The following KCNH8 variants were observed in gnomAD, a reference collection of about 807,000 sequenced individuals.
KCNH8 encodes the protein voltage-gated delayed rectifier potassium channel KCNH8.
In KCNH8, 70 loss-of-function variants were observed where a neutral mutation model predicts 103.6. The observed-to-expected ratio is 0.68, with a 90% confidence interval of 0.56 to 0.82. KCNH8 has a LOEUF of 0.82. Ranked by LOEUF, KCNH8 falls within the 40% of genes least tolerant of loss-of-function variation. The pLI is 0.00. For synonymous variants in KCNH8, 498 were observed against 489.4 expected (o/e 1.02, Z -0.23); for missense variants, 1,217 against 1,329.9 (o/e 0.92, Z 1.32).
intron 8 of KCNH8, among the ~76,000 whole-genome samples, chr3:19,439,130 G>T (rs1240903969): frequency 6.6e-6 from 1 of 151,974 alleles, no homozygotes; most frequent in East Asian, 1.9e-4. Context: ...CCCCACTCCT[G>T]GAATGAAAGC....
At chr3:19,408,698 CACTT>C (rs1275797341) in intron 7 of KCNH8, among the ~76,000 whole-genome samples, 1 of 152,060 alleles carries the variant, frequency 6.6e-6, no homozygotes, top group Non-Finnish European at 1.5e-5. Flanking sequence ...TTGAAAAACT[CACTT>C]AAGGAACCTC....
At chr3:19,193,070 G>A (rs1221738624) in intron 1 of KCNH8, among the ~76,000 whole-genome samples, 2 of 151,600 alleles carry the variant, frequency 1.3e-5, no homozygotes, top group African/African-American at 2.4e-5. Context: ...CATTAGTAAT[G>A]AGAGAGTTTA....
chr3:19,449,067 C>T lies in KCNH8; in HGVS notation c.1376-1039C>T, dbSNP rs890356470. The T allele has an allele frequency of 3.9e-6, 3 of 759,626 alleles. No individual in the cohort carries two copies. The Admixed American group carries it at 7.2e-5, about 18-fold the overall frequency. 47.1% of individuals were successfully genotyped at this position (759,626 alleles called of 1,614,324 possible). A position where few individuals can be genotyped will look rare whatever the true frequency, so the allele number is the denominator to read the frequency against. On this transcript the variant is annotated intron_variant, in intron 8 of 15. Transcript: ENST00000328405. ...GACTTGATGATACCTAGATGCTTCC[C>T]AAAGTGGGTAATTCCTGGAAAGTGA...
chr3:19,291,154 C>G (rs1312658233), intron 3 of KCNH8, among the ~76,000 whole-genome samples: 1 of 152,040 alleles, frequency 6.6e-6, no homozygotes. Flanking sequence ...ATTAGTCTTG[C>G]TAGCAGTCTA....
In KCNH8 at chr3:19,250,726, C is replaced by T. The variant is rs73182713; in HGVS notation, c.77-2928C>T. Among the ~76,000 whole-genome samples, 1,011 of 152,206 alleles carry T rather than the reference C, an allele frequency of 6.6e-3. 6 individuals are homozygous for T. Among genetic ancestry groups the T allele is most frequent in the African/African-American group, 0.022 (929 of 41,530 alleles). ...GTTTGATCTCTCAGCTCTAGTAGTA[C>T]CTATTATTTGTGGACCACTGATTTG... On this transcript the variant is annotated intron_variant, in intron 1 of 15. Transcript: ENST00000328405.
intron 11 of KCNH8, among the ~76,000 whole-genome samples, chr3:19,467,300 G>GAC (rs138481664): frequency 0.61 from 90,971 of 148,462 alleles, 28,045 homozygotes; most frequent in African/African-American, 0.7. Context: ...TGTATAAGTA[G>GAC]ACACACACAC....
chr3:19,394,935 T>A (rs1240841947), intron 6 of KCNH8, among the ~76,000 whole-genome samples, 169 bp from the exon 7 acceptor site: 1 of 152,060 alleles, frequency 6.6e-6, no homozygotes, highest in Non-Finnish European at 1.5e-5. Flanking sequence ...CCAGCCTCTT[T>A]AATTCTATCA....
At chr3:19,378,579 G>A (rs184954763) in intron 5 of KCNH8, among the ~76,000 whole-genome samples, 4 of 152,322 alleles carry the variant, frequency 2.6e-5, no homozygotes, top group Non-Finnish European at 2.9e-5. Context: ...GAGTGGGAAT[G>A]TTATGATTTG....
At chr3:19,332,567 A>G (rs139543237) in intron 3 of KCNH8, among the ~76,000 whole-genome samples, 74 of 152,278 alleles carry the variant, frequency 4.9e-4, no homozygotes, top group African/African-American at 1.7e-3. Context: ...TATGTTAAGT[A>G]TACGTTTAAG....
At chr3:19,507,672 G>A (rs763721251) in intron 11 of KCNH8, among the ~76,000 whole-genome samples, 1 of 152,168 alleles carries the variant, frequency 6.6e-6, no homozygotes, top group Non-Finnish European at 1.5e-5. Context: ...GGTCACAAGG[G>A]CCTCCCAGTA....
chr3:19,432,766 A>C (rs966684545), intron 7 of KCNH8, among the ~76,000 whole-genome samples: 1 of 152,202 alleles, frequency 6.6e-6, no homozygotes, highest in Non-Finnish European at 1.5e-5. Context: ...TATTTTATGT[A>C]GGAAAGTTAA....
At chr3:19,419,439 A>G (rs1247015579) in intron 7 of KCNH8, among the ~76,000 whole-genome samples, 1 of 151,552 alleles carries the variant, frequency 6.6e-6, no homozygotes, top group African/African-American at 2.4e-5. Context: ...TGACCTCGTG[A>G]TCCGCCCGCC....
At chr3:19,250,523 T>A (rs999243567) in intron 1 of KCNH8, among the ~76,000 whole-genome samples, 1 of 152,192 alleles carries the variant, frequency 6.6e-6, no homozygotes, top group Admixed American at 6.5e-5. Context: ...ATCTATATAG[T>A]TTAAGAACTG....
intron 1 of KCNH8, among the ~76,000 whole-genome samples, chr3:19,233,140 A>C (rs2064017304): frequency 7.6e-6 from 1 of 131,968 alleles, no homozygotes; most frequent in Non-Finnish European, 1.5e-5. Context: ...TTAATTCTTG[A>C]TACTGTTGAA....
chr3:19,266,034 C>G (rs1446113235), intron 2 of KCNH8, among the ~76,000 whole-genome samples: 1 of 152,054 alleles, frequency 6.6e-6, no homozygotes, highest in African/African-American at 2.4e-5. Flanking sequence ...TTTCTCCTCA[C>G]TGTCTCCAAA....
chr3:19,262,346 G>T (rs1276253055), intron 2 of KCNH8, among the ~76,000 whole-genome samples: 1 of 151,836 alleles, frequency 6.6e-6, no homozygotes, highest in Non-Finnish European at 1.5e-5. Flanking sequence ...CTAATACTAA[G>T]AAGATATTCT....
At chr3:19,449,989 T>A in intron 8 of KCNH8, 117 bp from the exon 9 acceptor site, 2 of 777,662 alleles carry the variant, frequency 2.6e-6, no homozygotes, top group Non-Finnish European at 2.1e-6. Context: ...TGTATCAACA[T>A]GGCCATGTAA....
intron 7 of KCNH8, among the ~76,000 whole-genome samples, chr3:19,417,535 C>A (rs2066882426): frequency 6.6e-6 from 1 of 151,738 alleles, no homozygotes; most frequent in African/African-American, 2.4e-5. Flanking sequence ...ATAAAGATTT[C>A]CCTTTATGTG....
At chr3:19,238,966 A>T (rs2064099800) in intron 1 of KCNH8, among the ~76,000 whole-genome samples, 1 of 152,204 alleles carries the variant, frequency 6.6e-6, no homozygotes, top group South Asian at 2.1e-4. Context: ...CAGAAAACGT[A>T]TGTAATTATT....
Sources: allele counts gnomAD v4.1 joint callset (sites outside exome capture counted in the v4.1 genomes callset), GRCh38; gene constraint gnomAD v4.1.1; transcripts MANE v1.5; gene names NCBI Gene and HGNC (gene_info 2026-07-23, HGNC 2026-07-21).